DPYS: variants seen among roughly 807,000 people sequenced by gnomAD.
DPYS encodes dihydropyrimidine amidohydrolase.
In DPYS, 39 loss-of-function variants were observed where a neutral mutation model predicts 50.3. The observed-to-expected ratio is 0.78, with a 90% confidence interval of 0.60 to 1.01. The LOEUF is 1.01. DPYS is among the 50% of genes least tolerant of loss of function. The pLI is 0.00. For missense variants in DPYS, 659 were observed against 680.9 expected, an observed-to-expected ratio of 0.97 and a Z score of 0.36; for synonymous variants, 245 against 250.7, an observed-to-expected ratio of 0.98 and a Z score of 0.22.
intron 5 of DPYS, chr8:104,429,278 C>T (rs1201888694): frequency 2.1e-6 from 1 of 483,266 alleles, no homozygotes; most frequent in Admixed American, 3.4e-5. Context: ...TGGGTTTGGG[C>T]AACAAGAGAT....
rs77245559 is a variant in DPYS, at chr8:104,449,709, A to G, written c.423+1537T>C. Among the ~76,000 whole-genome samples the G allele has an allele frequency of 8.6e-3, 1,314 of 152,366 alleles. 21 individuals are homozygous for G. The highest frequency in any genetic ancestry group is 0.03 in the African/African-American group (1,259 of 41,584). On this transcript the variant is annotated intron_variant, in intron 2 of 9. Coordinates refer to ENST00000351513, the MANE Select transcript of DPYS (RefSeq NM_001385.3). ...TCCACGGGGAGAACATCATATGAAGATGAAGGCAGAGATTGGGATGATGCT... is the reference window on the plus strand; with the variant it reads ...TCCACGGGGAGAACATCATATGAAGGTGAAGGCAGAGATTGGGATGATGCT...
intron 7 of DPYS, among the ~76,000 whole-genome samples, chr8:104,403,759 T>C (rs1168629671): frequency 6.6e-6 from 1 of 151,978 alleles, no homozygotes; most frequent in Non-Finnish European, 1.5e-5. Context: ...GGGAGTGAGG[T>C]ATGTTAGTAA....
chr8:104,392,846 T>C lies in DPYS; in HGVS notation c.1381A>G (p.Lys461Glu), dbSNP rs1461393356. 6.2e-7 allele frequency: 1 copy of C among 1,614,168 alleles called. No homozygotes were observed. Residue 461 changes from lysine to glutamate, a missense_variant, in exon 8 of 10, where the codon AAG becomes GAG. Coordinates refer to ENST00000351513, the MANE Select transcript of DPYS (RefSeq NM_001385.3). The stretch of plus-strand genomic sequence containing the variant: ...GCAAATGGTTTTCGAGGAATAAACT[T>C]CCCATCTCCTGCCGTGACACTGAAC... The part of the protein sequence containing the change: ...GVFSVTAGDG[K>E]FIPRKPFAEY...
intron 4 of DPYS, among the ~76,000 whole-genome samples, chr8:104,441,094 G>T (rs1813337772): frequency 6.6e-6 from 1 of 152,082 alleles, no homozygotes; most frequent in South Asian, 2.1e-4. Context: ...TTGGTCACAT[G>T]CATGGGGTAG....
At chr8:104,393,545 T>C (rs542597394) in intron 7 of DPYS, among the ~76,000 whole-genome samples, 12 of 152,326 alleles carry the variant, frequency 7.9e-5, no homozygotes, top group Non-Finnish European at 1.3e-4. Flanking sequence ...TCATTGTCTG[T>C]AGCAAAACTA....
chr8:104,399,720 T>A (rs577767059), intron 7 of DPYS, among the ~76,000 whole-genome samples: 1 of 151,446 alleles, frequency 6.6e-6, no homozygotes, highest in East Asian at 1.9e-4. Flanking sequence ...ATACAAAAAA[T>A]TAGCCAGGTG....
intron 7 of DPYS, among the ~76,000 whole-genome samples, chr8:104,398,297 CAG>C (rs1406471925): frequency 5.3e-5 from 8 of 152,204 alleles, no homozygotes; most frequent in Admixed American, 3.3e-4. Context: ...CCAGCTGTGA[CAG>C]AGATTCTAGC....
intron 3 of DPYS, 116 bp downstream of exon 3, chr8:104,447,208 C>T: frequency 7.6e-7 from 1 of 1,324,050 alleles, no homozygotes; most frequent in African/African-American, 1.5e-5. Flanking sequence ...AAATCCATTT[C>T]TGGATTTCTC....
chr8:104,447,625 G>T (rs1813585587), intron 2 of DPYS, 122 bp from the exon 3 acceptor site: 2 of 1,192,560 alleles, frequency 1.7e-6, no homozygotes, highest in Non-Finnish European at 2.4e-6. Flanking sequence ...AAGGACAATA[G>T]TTTAGTTCCA....
chr8:104,443,519 C>T (rs917605082), intron 4 of DPYS, among the ~76,000 whole-genome samples: 2 of 152,138 alleles, frequency 1.3e-5, no homozygotes, highest in African/African-American at 4.8e-5. Flanking sequence ...TGAGCATGTA[C>T]TAGGTGCCTT....
intron 4 of DPYS, among the ~76,000 whole-genome samples, chr8:104,441,541 G>T (rs1464238647): frequency 6.6e-6 from 1 of 152,212 alleles, no homozygotes; most frequent in African/African-American, 2.4e-5. Flanking sequence ...AGGCAAAGAG[G>T]TCAAAATAAT....
At chr8:104,435,356 T>A (rs1813102122) in intron 4 of DPYS, among the ~76,000 whole-genome samples, 1 of 152,058 alleles carries the variant, frequency 6.6e-6, no homozygotes, top group Non-Finnish European at 1.5e-5. Context: ...CAAACTCTGC[T>A]TCTGGAAGAA....
rs534579127 is a variant in DPYS at position 104,442,485 on chromosome 8, T to G, written c.793+1763A>C. ...GGAAATAATTATAGACCGACTCATC[T>G]CATAGCGTTGGCAACAGCACCATCT... is the stretch of plus-strand genomic sequence containing the variant. On this transcript the variant is annotated intron_variant, in intron 4 of 9. Coordinates refer to ENST00000351513, the MANE Select transcript of DPYS (RefSeq NM_001385.3). Among the ~76,000 whole-genome samples the G allele has an allele frequency of 7.2e-5, 11 of 152,344 alleles. No homozygotes were observed. The East Asian group carries it at 2.1e-3, about 29-fold the overall frequency.
At chr8:104,450,124 G>A (rs1443129959) in intron 2 of DPYS, among the ~76,000 whole-genome samples, 1 of 135,176 alleles carries the variant, frequency 7.4e-6, no homozygotes, top group Non-Finnish European at 1.6e-5. Context: ...AGGAAGGGAG[G>A]GAGGGAAGAG....
At chr8:104,405,468 T>C (rs1228903120) in intron 7 of DPYS, among the ~76,000 whole-genome samples, 2 of 152,220 alleles carry the variant, frequency 1.3e-5, no homozygotes, top group Non-Finnish European at 2.9e-5. Context: ...TTATCTACTT[T>C]CCATCTGGGT....
At chr8:104,383,200 G>C (rs1399086111) in intron 8 of DPYS, among the ~76,000 whole-genome samples, 1 of 152,212 alleles carries the variant, frequency 6.6e-6, no homozygotes, top group Non-Finnish European at 1.5e-5. Flanking sequence ...AATCCTTCCT[G>C]GTAGCTTCCG....
At position 104,438,453 on chromosome 8, in the gene DPYS, G is replaced by A. The variant is rs186226697; in HGVS notation, c.793+5795C>T. The stretch of plus-strand genomic sequence containing the variant: ...GCAAACTAAAATAAGGCATGCTTTT[G>A]AGTCCTACTGGAATGAAGAAAACTC... On this transcript the variant is annotated intron_variant, in intron 4 of 9. Coordinates refer to ENST00000351513, the MANE Select transcript of DPYS (RefSeq NM_001385.3). Among the ~76,000 whole-genome samples the A allele has an allele frequency of 2.3e-3, 356 of 152,276 alleles. 1 individual carries two copies. The highest frequency in any genetic ancestry group is 4.4e-3 in the South Asian group (21 of 4,820).
chr8:104,414,762 C>T (rs1285365647), intron 7 of DPYS, among the ~76,000 whole-genome samples: 1 of 152,206 alleles, frequency 6.6e-6, no homozygotes, highest in African/African-American at 2.4e-5. Context: ...TTCACTCTGT[C>T]CTCTGTTTCC....
At chr8:104,433,857 G>T (rs1813034653) in intron 4 of DPYS, among the ~76,000 whole-genome samples, 1 of 152,022 alleles carries the variant, frequency 6.6e-6, no homozygotes, top group Non-Finnish European at 1.5e-5. Flanking sequence ...AAACACAAGA[G>T]GAATATATGG....
Sources: gnomAD v4.1 joint callset for allele counts (sites outside exome capture counted in the v4.1 genomes callset) on GRCh38, gnomAD v4.1.1 for gene constraint, MANE v1.5 for transcripts, NCBI Gene and HGNC (gene_info 2026-07-23, HGNC 2026-07-21) for gene names.